INPP4B: variants seen among roughly 807,000 people sequenced by gnomAD.
The protein encoded by INPP4B is inositol polyphosphate-4-phosphatase type II B.
Under a neutral mutation model 122.5 loss-of-function variants are expected in INPP4B, and 55 were observed. The ratio of observed to expected loss-of-function variants is 0.45; its 90% CI spans 0.36 to 0.56. INPP4B has a LOEUF of 0.56. Among genes scored for constraint, INPP4B ranks in the 20% least tolerant of loss-of-function variants. The pLI is 0.00. For missense variants in INPP4B, 1,000 were observed against 1,097.7 expected (o/e 0.91, Z 1.26); for synonymous variants, 403 against 388.7 (o/e 1.04, Z -0.43).
At position 142,027,296 on chromosome 4, in the gene INPP4B, T is replaced by C. The variant is rs1447053709; in HGVS notation, c.*1486A>G. ...TTAACATGGGGCTAGAATCCTTATT[T>C]CAACAGGAATCCTAGGCAAGGAGCT... On this transcript the variant is annotated 3_prime_UTR_variant, in exon 26 of 26. Coordinates refer to ENST00000262992, the MANE Select transcript of INPP4B (RefSeq NM_001101669.3). 6.6e-6 allele frequency: 1 copy of C among 152,200 alleles called. No individual in the cohort carries two copies. The highest frequency in any genetic ancestry group is 1.5e-5 in the Non-Finnish European group (1 of 68,022). The allele number at this position is 152,200 out of a possible 1,614,324, so 9.4% of individuals were successfully genotyped here. A position where few individuals can be genotyped will look rare whatever the true frequency, so the allele number is the denominator to read the frequency against.
chr4:142,815,492 T>A (rs1057425458), intron 1 of INPP4B, among the ~76,000 whole-genome samples: 4 of 152,276 alleles, frequency 2.6e-5, no homozygotes, highest in African/African-American at 9.6e-5. Flanking sequence ...ACTAAAGTTA[T>A]ACTAATATAA....
At chr4:142,368,770 T>C (rs1579865960) in intron 7 of INPP4B, among the ~76,000 whole-genome samples, 1 of 148,586 alleles carries the variant, frequency 6.7e-6, no homozygotes, top group Non-Finnish European at 1.5e-5. Context: ...GGCAGGTGAG[T>C]GTAAGAAGAC....
chr4:142,134,798 A>C (rs901708706), intron 18 of INPP4B, among the ~76,000 whole-genome samples: 17 of 80,072 alleles, frequency 2.1e-4, no homozygotes, highest in African/African-American at 4.4e-4. Context: ...ACTCTGTCTC[A>C]AAAAAAAAAA....
chr4:142,806,770 A>AGAAAGAAAGAAG (rs1778820455), intron 1 of INPP4B, among the ~76,000 whole-genome samples: 1 of 86,950 alleles, frequency 1.2e-5, no homozygotes, highest in African/African-American at 4.3e-5. Flanking sequence ...GAAAGAAGAA[A>AGAAAGAAAGAAG]GAAAGAAAGA....
chr4:142,588,287 T>C (rs560787701), intron 2 of INPP4B, among the ~76,000 whole-genome samples: 1 of 151,904 alleles, frequency 6.6e-6, no homozygotes, highest in East Asian at 1.9e-4. Flanking sequence ...AACTTCATAA[T>C]GGAATTCCTA....
intron 7 of INPP4B, among the ~76,000 whole-genome samples, chr4:142,321,744 TGTAA>T (rs1173399106): frequency 2.6e-5 from 4 of 152,196 alleles, no homozygotes; most frequent in African/African-American, 9.7e-5. Flanking sequence ...ATCAGTTGGC[TGTAA>T]GTATTTGACT....
intron 21 of INPP4B, among the ~76,000 whole-genome samples, chr4:142,120,924 G>A (rs1167223268): frequency 1.3e-5 from 2 of 152,048 alleles, no homozygotes; most frequent in African/African-American, 2.4e-5. Flanking sequence ...GTGCTAAGCT[G>A]CTCACTTCAT....
intron 1 of INPP4B, among the ~76,000 whole-genome samples, chr4:142,774,302 T>C: frequency 6.6e-6 from 1 of 150,976 alleles, no homozygotes; most frequent in Non-Finnish European, 1.5e-5. Flanking sequence ...TTCGGGCTTA[T>C]TCTTGTACAA....
chr4:142,834,039 A>T (rs547305874), intron 1 of INPP4B, among the ~76,000 whole-genome samples: 2 of 152,288 alleles, frequency 1.3e-5, no homozygotes, highest in African/African-American at 4.8e-5. Flanking sequence ...ACTAGTTAGT[A>T]TTCATATTAT....
At chr4:142,070,384 T>C (rs1476814351) in intron 25 of INPP4B, among the ~76,000 whole-genome samples, 2 of 152,208 alleles carry the variant, frequency 1.3e-5, no homozygotes, top group African/African-American at 2.4e-5. Flanking sequence ...AATATCATAC[T>C]GAATGGGCCA....
intron 7 of INPP4B, among the ~76,000 whole-genome samples, chr4:142,351,820 A>G (rs376899872): frequency 6.6e-6 from 1 of 152,148 alleles, no homozygotes; most frequent in South Asian, 2.1e-4. Context: ...GTTAAAATGT[A>G]TTGTTATTCT....
intron 2 of INPP4B, among the ~76,000 whole-genome samples, chr4:142,519,338 T>C (rs886566595): frequency 6.6e-6 from 1 of 152,184 alleles, no homozygotes. Flanking sequence ...CATTAATATA[T>C]ATATGCTAAT....
At chr4:142,123,133 A>C (rs1797255048) in intron 20 of INPP4B, among the ~76,000 whole-genome samples, 159 bp downstream of exon 20, 1 of 152,212 alleles carries the variant, frequency 6.6e-6, no homozygotes, top group African/African-American at 2.4e-5. Context: ...AGGCAAAAGT[A>C]AGTTACAAGG....
At chr4:142,722,458 T>C (rs1764813745) in intron 2 of INPP4B, among the ~76,000 whole-genome samples, 1 of 152,164 alleles carries the variant, frequency 6.6e-6, no homozygotes, top group African/African-American at 2.4e-5. Flanking sequence ...CAGGAGCTGA[T>C]TCTAGACAAT....
At chr4:142,554,267 T>G (rs777233876) in intron 2 of INPP4B, among the ~76,000 whole-genome samples, 3 of 146,736 alleles carry the variant, frequency 2.0e-5, no homozygotes, top group Non-Finnish European at 4.5e-5. Context: ...TCACCCAGAA[T>G]GACAAATGTT....
At chr4:142,345,019 G>A (rs1336745041) in intron 7 of INPP4B, among the ~76,000 whole-genome samples, 2 of 151,808 alleles carry the variant, frequency 1.3e-5, no homozygotes, top group African/African-American at 4.8e-5. Flanking sequence ...CATTTGATTT[G>A]GGTAGAAGTG....
chr4:142,028,443 C>A lies in INPP4B; in HGVS notation c.*339G>T, dbSNP rs1737732982. ...TTGGAGAGTGGTGCTCTGTGAATCA[C>A]CCCTAGTCCTATTGAAATGATCCAT... On this transcript the variant is annotated 3_prime_UTR_variant, in exon 26 of 26. Coordinates refer to ENST00000262992, the MANE Select transcript of INPP4B (RefSeq NM_001101669.3). The A allele has an allele frequency of 3.3e-6, 1 of 299,912 alleles. No homozygotes were observed. Among genetic ancestry groups the A allele is most frequent in the Non-Finnish European group, 6.3e-6 (1 of 159,896 alleles). 18.6% of individuals were successfully genotyped at this position (299,912 alleles called of 1,614,324 possible).
chr4:142,550,104 C>G (rs1454345223), intron 2 of INPP4B, among the ~76,000 whole-genome samples: 1 of 152,004 alleles, frequency 6.6e-6, no homozygotes, highest in Non-Finnish European at 1.5e-5. Context: ...GTCTAGGGTG[C>G]CACAACAACA....
chr4:142,809,123 T>G (rs547439070), intron 1 of INPP4B, among the ~76,000 whole-genome samples: 118 of 152,242 alleles, frequency 7.8e-4, no homozygotes, highest in Middle Eastern at 3.4e-3. Flanking sequence ...TAAATTTTAA[T>G]GCTAAAAATT....
Sources: allele counts gnomAD v4.1 joint callset (sites outside exome capture counted in the v4.1 genomes callset), GRCh38; gene constraint gnomAD v4.1.1; transcripts MANE v1.5; gene names NCBI Gene and HGNC (gene_info 2026-07-23, HGNC 2026-07-21).